Variants in SNTG2 observed in about 807,000 individuals in gnomAD.
SNTG2 encodes syntrophin gamma 2.
In SNTG2, 74 loss-of-function variants were observed where a neutral mutation model predicts 70.9. The ratio of observed to expected loss-of-function variants is 1.04; its 90% CI spans 0.86 to 1.27. The LOEUF (loss-of-function observed/expected upper bound fraction) is 1.27. SNTG2 is among the 50% of genes most tolerant of loss of function. The pLI, the probability that SNTG2 is intolerant of heterozygous loss-of-function variation, is 0.00. For missense variants in SNTG2, 717 were observed against 690.7 expected, an observed-to-expected ratio of 1.04 and a Z score of -0.43; for synonymous variants, 278 against 273.8, an observed-to-expected ratio of 1.02 and a Z score of -0.15.
chr2:1,085,910 G>A (rs1356180984), intron 2 of SNTG2, among the ~76,000 whole-genome samples: 2 of 152,204 alleles, frequency 1.3e-5, no homozygotes, highest in African/African-American at 4.8e-5. Context: ...AATTAATGGG[G>A]TGGGATGCTG....
intron 4 of SNTG2, among the ~76,000 whole-genome samples, chr2:1,131,098 A>G (rs1464531024): frequency 6.6e-6 from 1 of 152,164 alleles, no homozygotes; most frequent in Non-Finnish European, 1.5e-5. Context: ...GTGTCCTGCT[A>G]ATGAGATGCA....
intron 16 of SNTG2, among the ~76,000 whole-genome samples, chr2:1,325,018 T>C (rs1218003593): frequency 6.6e-6 from 1 of 152,214 alleles, no homozygotes; most frequent in Non-Finnish European, 1.5e-5. Flanking sequence ...TCAGGAATCT[T>C]GTAAGGGAAC....
At chr2:1,122,988 G>A (rs565243149) in intron 4 of SNTG2, among the ~76,000 whole-genome samples, 49 of 152,116 alleles carry the variant, frequency 3.2e-4, no homozygotes, top group African/African-American at 1.2e-3. Context: ...TTAGCAATAA[G>A]TATAACCAAG....
intron 2 of SNTG2, among the ~76,000 whole-genome samples, chr2:1,090,717 C>T (rs532337712): frequency 8.5e-5 from 13 of 152,244 alleles, no homozygotes; most frequent in African/African-American, 3.1e-4. Flanking sequence ...ACAGGGCCGG[C>T]CAGCATTTGG....
rs1558533237 is a variant in SNTG2 at position 1,209,082 on chromosome 2, A to G, written c.592-21A>G. On this transcript the variant is annotated intron_variant, in intron 8 of 16. Transcript: ENST00000308624. ...GCCTCCTCTGCCTCTGTGACGCTTC[A>G]TTCTCCTTTCTTCTGTACAGGCCCC... 4 of 1,612,128 alleles carry G rather than the reference A, an allele frequency of 2.5e-6. No homozygotes were observed. The South Asian group carries it at 4.4e-5, about 18-fold the overall frequency.
chr2:1,086,322 G>C, intron 2 of SNTG2, among the ~76,000 whole-genome samples: 1 of 152,202 alleles, frequency 6.6e-6, no homozygotes, highest in South Asian at 2.1e-4. Context: ...CGCTCTCTCT[G>C]TCTCTCTCTC....
chr2:1,118,205 G>T (rs551595524), intron 4 of SNTG2, among the ~76,000 whole-genome samples: 1 of 152,144 alleles, frequency 6.6e-6, no homozygotes. Context: ...CTGTGCACCT[G>T]TGCCCTGGAT....
intron 6 of SNTG2, among the ~76,000 whole-genome samples, chr2:1,162,022 C>T (rs1286703291): frequency 1.4e-5 from 2 of 138,418 alleles, no homozygotes; most frequent in African/African-American, 2.6e-5. Flanking sequence ...TGCAGTGGGC[C>T]CAGATGGCGC....
At chr2:971,373 C>T (rs1048829744) in intron 1 of SNTG2, among the ~76,000 whole-genome samples, 2 of 152,064 alleles carry the variant, frequency 1.3e-5, no homozygotes, top group African/African-American at 4.8e-5. Flanking sequence ...GAATTTCTTA[C>T]TGGTTCTCCC....
intron 1 of SNTG2, among the ~76,000 whole-genome samples, chr2:1,006,061 T>C (rs1006526023): frequency 6.7e-6 from 1 of 148,994 alleles, no homozygotes; most frequent in African/African-American, 2.5e-5. Context: ...AGTAAACTAT[T>C]GCAAGAACAA....
intron 14 of SNTG2, among the ~76,000 whole-genome samples, chr2:1,300,326 C>T (rs186699410): frequency 2.0e-5 from 3 of 152,344 alleles, no homozygotes; most frequent in East Asian, 1.9e-4. Flanking sequence ...TGATGGTCTT[C>T]GTTAGCTAAA....
intron 4 of SNTG2, among the ~76,000 whole-genome samples, chr2:1,116,474 G>T (rs748197171): frequency 7.9e-5 from 12 of 151,430 alleles, no homozygotes; most frequent in Non-Finnish European, 1.6e-4. Context: ...TGGTGTGTGG[G>T]TGCTTCGGTG....
intron 15 of SNTG2, among the ~76,000 whole-genome samples, chr2:1,314,893 G>T (rs963287661): frequency 1.3e-5 from 2 of 152,124 alleles, no homozygotes; most frequent in African/African-American, 4.8e-5. Context: ...GTGAGACTTA[G>T]TCACTGTCAC....
chr2:986,413 G>T (rs1222819044), intron 1 of SNTG2, among the ~76,000 whole-genome samples: 1 of 152,216 alleles, frequency 6.6e-6, no homozygotes, highest in African/African-American at 2.4e-5. Context: ...GCCCCTTGAC[G>T]TGAGTTGAAC....
chr2:1,228,112 G>C (rs1350949923), intron 9 of SNTG2, among the ~76,000 whole-genome samples: 2 of 152,210 alleles, frequency 1.3e-5, no homozygotes, highest in African/African-American at 4.8e-5. Flanking sequence ...ATCTCAGCTA[G>C]TGCTTCTGTC....
chr2:1,002,704 AC>A (rs1342715644), intron 1 of SNTG2, among the ~76,000 whole-genome samples: 6 of 149,534 alleles, frequency 4.0e-5, no homozygotes, highest in Non-Finnish European at 7.4e-5. Context: ...AAAAAAAAAA[AC>A]CTAAAAATAA....
At chr2:1,187,066 A>G (rs894836190) in intron 8 of SNTG2, among the ~76,000 whole-genome samples, 16 of 152,220 alleles carry the variant, frequency 1.1e-4, no homozygotes, top group Non-Finnish European at 1.8e-4. Flanking sequence ...ATGCTCACCC[A>G]TCAAGGTGTC....
At chr2:965,971 C>T (rs1008059531) in intron 1 of SNTG2, among the ~76,000 whole-genome samples, 2 of 152,174 alleles carry the variant, frequency 1.3e-5, no homozygotes, top group Non-Finnish European at 2.9e-5. Flanking sequence ...CCCGGCTCCT[C>T]CCAGCTGCTC....
At chr2:1,095,204 T>C (rs1665315079) in intron 2 of SNTG2, among the ~76,000 whole-genome samples, 1 of 152,200 alleles carries the variant, frequency 6.6e-6, no homozygotes, top group African/African-American at 2.4e-5. Flanking sequence ...CTACAGGCCC[T>C]ACCTCCAATG....
Sources: gnomAD v4.1 joint callset for allele counts (sites outside exome capture counted in the v4.1 genomes callset) on GRCh38, gnomAD v4.1.1 for gene constraint, MANE v1.5 for transcripts, NCBI Gene and HGNC (gene_info 2026-07-23, HGNC 2026-07-21) for gene names.